The following EIF4EBP2 variants were observed in gnomAD, a reference collection of about 807,000 sequenced individuals.
The protein encoded by EIF4EBP2 is eukaryotic translation initiation factor 4E binding protein 2, also known as eukaryotic translation initiation factor 4E-binding protein 2.
EIF4EBP2 carries 5 observed loss-of-function variants against 10.3 expected under a neutral mutation model. The ratio of observed to expected loss-of-function variants is 0.48; its 90% CI spans 0.25 to 1.02. EIF4EBP2 has a LOEUF of 1.02. Ranked by LOEUF, EIF4EBP2 falls within the 50% of genes least tolerant of loss-of-function variation. EIF4EBP2 has a pLI of 0.15. For missense variants in EIF4EBP2, 188 were observed against 162.2 expected (o/e 1.16, Z -0.86); for synonymous variants, 67 against 61.1 (o/e 1.10, Z -0.45).
chr10:70,414,868 A>G (rs1378979096), intron 1 of EIF4EBP2, among the ~76,000 whole-genome samples: 2 of 151,736 alleles, frequency 1.3e-5, no homozygotes, highest in Admixed American at 1.3e-4. Context: ...ATCCATCTCA[A>G]AAGCAAAAAC....
rs1256328609 is a variant in EIF4EBP2, at chr10:70,425,866, A to C, written c.*4119A>C. 1 of 152,232 alleles carries C rather than the reference A, an allele frequency of 6.6e-6. No homozygotes were observed. Among genetic ancestry groups the C allele is most frequent in the Non-Finnish European group, 1.5e-5 (1 of 68,040 alleles). The allele number at this position is 152,232 out of a possible 1,614,324, so 9.4% of individuals were successfully genotyped here. A position where few individuals can be genotyped will look rare whatever the true frequency, so the allele number is the denominator to read the frequency against. ...AAAGAAAGCAGTTCACATTTAGGTG[A>C]AATAGATGATGTTATCAGGAAGCCA... On this transcript the variant is annotated 3_prime_UTR_variant, in exon 3 of 3. Transcript: ENST00000373218.
rs113564353 is a variant in EIF4EBP2, at chr10:70,404,182, G to A, written c.-220G>A. Among the ~76,000 whole-genome samples the A allele has an allele frequency of 6.6e-6, 1 of 152,234 alleles. No individual in the cohort carries two copies. Among genetic ancestry groups the A allele is most frequent in the Non-Finnish European group, 1.5e-5 (1 of 68,038 alleles). ...CGTCGTCGCCGCTGCTGCCGCTGCT[G>A]TTGCTCCTGAGGCTGCTGGCTGAGG... On this transcript the variant is annotated 5_prime_UTR_variant, in exon 1 of 3. Transcript: ENST00000373218.
rs1845204409 is a variant in EIF4EBP2, at chr10:70,426,160, AC to A, written c.*4414del. On this transcript the variant is annotated 3_prime_UTR_variant, in exon 3 of 3. Coordinates refer to ENST00000373218, the MANE Select transcript of EIF4EBP2 (RefSeq NM_004096.5). The stretch of plus-strand genomic sequence containing the variant: ...CTTACATGAAGTTTTTCAGTTTAAG[AC>A]ATTCTAGTGAATGGCTGCTATGTGT... 1 of 152,212 alleles carries A rather than the reference AC, an allele frequency of 6.6e-6. No homozygotes were observed. Among genetic ancestry groups the A allele is most frequent in the Non-Finnish European group, 1.5e-5 (1 of 68,042 alleles). 9.4% of individuals were successfully genotyped at this position (152,212 alleles called of 1,614,324 possible).
At position 70,405,548 on chromosome 10, in the gene EIF4EBP2, A is replaced by G. The variant is rs1300577761; in HGVS notation, c.145+1002A>G. ...GGAACGGGGCCTCCTTTTTAACTTC[A>G]GAACTTTGTCTTCTTTTGGTGCTGG... On this transcript the variant is annotated intron_variant, in intron 1 of 2. Coordinates refer to ENST00000373218, the MANE Select transcript of EIF4EBP2 (RefSeq NM_004096.5). 2.0e-5 allele frequency among the ~76,000 whole-genome samples: 3 copies of G among 152,342 alleles called. No individual in the cohort carries two copies. In the East Asian group the frequency reaches 5.8e-4, roughly 29 times the overall value.
Position 70,423,820 on chromosome 10 carries a change from G to A in EIF4EBP2, c.*2073G>A, listed in dbSNP as rs1295262563. On this transcript the variant is annotated 3_prime_UTR_variant, in exon 3 of 3. Coordinates refer to ENST00000373218, the MANE Select transcript of EIF4EBP2 (RefSeq NM_004096.5). ...CTCCAATGTTTTGGGGATGCTTTGA[G>A]TCTCAAAAAAAATTGATAATCAGAA... is the stretch of plus-strand genomic sequence containing the variant. The A allele has an allele frequency of 7.2e-5, 11 of 152,556 alleles. No individual in the cohort carries two copies. The highest frequency in any genetic ancestry group is 2.0e-4 in the Admixed American group (3 of 15,272). The allele number at this position is 152,556 out of a possible 1,614,324, so 9.5% of individuals were successfully genotyped here. A position where few individuals can be genotyped will look rare whatever the true frequency, so the allele number is the denominator to read the frequency against.
chr10:70,421,672 CT>C, intron 2 of EIF4EBP2, 43 bp from the exon 3 acceptor site: 1 of 1,577,212 alleles, frequency 6.3e-7, no homozygotes, highest in African/African-American at 1.3e-5. Flanking sequence ...TGTTATGCTT[CT>C]TTGTGTACGT....
rs41277984 is a variant in EIF4EBP2, at chr10:70,421,774, C to A, written c.*27C>A. ...TCTCCTGCAAGGATTAGAAGAAAAG[C>A]AGCAACACTGATACTTGTGTGCACC... On this transcript the variant is annotated 3_prime_UTR_variant, in exon 3 of 3. Coordinates refer to ENST00000373218, the MANE Select transcript of EIF4EBP2 (RefSeq NM_004096.5). 9 of 1,610,278 alleles carry A rather than the reference C, an allele frequency of 5.6e-6. No individual in the cohort carries two copies. Among genetic ancestry groups the A allele is most frequent in the Non-Finnish European group, 7.6e-6 (9 of 1,178,034 alleles).
chr10:70,426,371 A>G lies in EIF4EBP2; in HGVS notation c.*4624A>G, dbSNP rs903576549. 1.3e-5 allele frequency: 2 copies of G among 152,140 alleles called. No individual in the cohort carries two copies. Among genetic ancestry groups the G allele is most frequent in the Admixed American group, 6.6e-5 (1 of 15,264 alleles). The allele number at this position is 152,140 out of a possible 1,614,324, so 9.4% of individuals were successfully genotyped here. A position where few individuals can be genotyped will look rare whatever the true frequency, so the allele number is the denominator to read the frequency against. Reference sequence around the variant, plus strand: ...CTGCAGCCTCTGCTTCCCAGGTTCAAGTGTTTCTCCTGCCTCAGCCTTCCG... The same window carrying G: ...CTGCAGCCTCTGCTTCCCAGGTTCAGGTGTTTCTCCTGCCTCAGCCTTCCG... On this transcript the variant is annotated 3_prime_UTR_variant, in exon 3 of 3. Transcript: ENST00000373218.
rs1465799964 is a variant in EIF4EBP2 at position 70,426,837 on chromosome 10, T to G, written c.*5090T>G. On this transcript the variant is annotated 3_prime_UTR_variant, in exon 3 of 3. Transcript: ENST00000373218. ...TCACTGGGACTCTCAGACCTTACCTTTCCAGCTCAAACACCATTAGTTAAA... is the reference window on the plus strand; with the variant it reads ...TCACTGGGACTCTCAGACCTTACCTGTCCAGCTCAAACACCATTAGTTAAA... The G allele has an allele frequency of 1.3e-5, 2 of 152,218 alleles. No homozygotes were observed. The highest frequency in any genetic ancestry group is 2.9e-5 in the Non-Finnish European group (2 of 68,040). The allele number at this position is 152,218 out of a possible 1,614,324, so 9.4% of individuals were successfully genotyped here.
rs1845174378 is a variant in EIF4EBP2, at chr10:70,423,062, G to A, written c.*1315G>A. The A allele has an allele frequency of 6.6e-6, 1 of 152,402 alleles. No individual in the cohort carries two copies. The highest frequency in any genetic ancestry group is 1.9e-4 in the East Asian group (1 of 5,190). The allele number at this position is 152,402 out of a possible 1,614,324, so 9.4% of individuals were successfully genotyped here. A position where few individuals can be genotyped will look rare whatever the true frequency, so the allele number is the denominator to read the frequency against. ...TACATCAAAGATACCTGAAGTGTTG[G>A]TATCTGAGAATATCTGTCACTCCTC... is the stretch of plus-strand genomic sequence containing the variant. On this transcript the variant is annotated 3_prime_UTR_variant, in exon 3 of 3. Transcript: ENST00000373218.
chr10:70,406,061 ACT>A (rs1427743930), intron 1 of EIF4EBP2, among the ~76,000 whole-genome samples: 3 of 152,042 alleles, frequency 2.0e-5, no homozygotes, highest in South Asian at 2.1e-4. Flanking sequence ...GGCTCACTGC[ACT>A]CTCTACTTCC....
At chr10:70,410,364 G>A (rs1211223255) in intron 1 of EIF4EBP2, among the ~76,000 whole-genome samples, 2 of 152,198 alleles carry the variant, frequency 1.3e-5, no homozygotes, top group African/African-American at 4.8e-5. Context: ...GCCCAGCCCT[G>A]TTTCTTTTGT....
chr10:70,419,121 T>A (rs1041693727), intron 1 of EIF4EBP2, among the ~76,000 whole-genome samples: 2 of 152,236 alleles, frequency 1.3e-5, no homozygotes, highest in Non-Finnish European at 2.9e-5. Context: ...CCAGGCTCTC[T>A]TGTCTTTTTG....
intron 1 of EIF4EBP2, among the ~76,000 whole-genome samples, chr10:70,419,017 A>G (rs1423428374): frequency 2.6e-5 from 4 of 152,110 alleles, no homozygotes; most frequent in Non-Finnish European, 2.9e-5. Context: ...GGGTCTCACT[A>G]TGTGGCCCAG....
At chr10:70,404,688 G>T in intron 1 of EIF4EBP2, 142 bp downstream of exon 1, 1 of 1,145,586 alleles carries the variant, frequency 8.7e-7, no homozygotes, top group Admixed American at 4.0e-5. Context: ...CCGCCCGAGC[G>T]TTCGGGACCC....
At position 70,406,007 on chromosome 10, in the gene EIF4EBP2, G is replaced by T. The variant is rs1235204468; in HGVS notation, c.145+1461G>T. Among the ~76,000 whole-genome samples the T allele has an allele frequency of 3.3e-5, 5 of 152,072 alleles. No individual in the cohort carries two copies. The South Asian group carries it at 1.0e-3, about 32-fold the overall frequency. On this transcript the variant is annotated intron_variant, in intron 1 of 2. Transcript: ENST00000373218. ...CAACTCGTGTTTGAGCATGGTACAG[G>T]GTCTCACTCTGTCGCCCAGGCTGGA...
In EIF4EBP2 at chr10:70,415,168, AAAAAG is replaced by A. The variant is rs552688362; in HGVS notation, c.146-4736_146-4732del. 1.3e-3 allele frequency among the ~76,000 whole-genome samples: 204 copies of A among 151,608 alleles called. 1 individual carries two copies. Among genetic ancestry groups the A allele is most frequent in the Admixed American group, 4.7e-3 (72 of 15,218 alleles). ...GCAAGACCCTCTCTCGAAAAAAAAA[AAAAAG>A]AAAAGAAAAAGAAAGCAATCCCATT... On this transcript the variant is annotated intron_variant, in intron 1 of 2. Coordinates refer to ENST00000373218, the MANE Select transcript of EIF4EBP2 (RefSeq NM_004096.5).
In EIF4EBP2 at chr10:70,407,211, A is replaced by G. The variant is rs1387078142; in HGVS notation, c.145+2665A>G. 6.6e-5 allele frequency among the ~76,000 whole-genome samples: 10 copies of G among 151,754 alleles called. No homozygotes were observed. The East Asian group carries it at 1.4e-3, about 21-fold the overall frequency. ...ACAATAGTGGAGGGAAGGTCAGCAG[A>G]TAAACAAGTGAACAAAGGTCTCTGG... On this transcript the variant is annotated intron_variant, in intron 1 of 2. Transcript: ENST00000373218.
At chr10:70,404,596 C>G (rs760151716) in intron 1 of EIF4EBP2, 50 bp downstream of exon 1, 12 of 1,487,658 alleles carry the variant, frequency 8.1e-6, no homozygotes, top group Non-Finnish European at 1.1e-5. Flanking sequence ...CCGCGGTCCT[C>G]TAACTCCTCG....
Sources: allele counts gnomAD v4.1 joint callset (sites outside exome capture counted in the v4.1 genomes callset), GRCh38; gene constraint gnomAD v4.1.1; transcripts MANE v1.5; gene names NCBI Gene and HGNC (gene_info 2026-07-23, HGNC 2026-07-21).